Variants in KLF8 observed in about 807,000 individuals in gnomAD.
KLF8 encodes the protein KLF transcription factor 8.
In KLF8, 10 loss-of-function variants were observed where a neutral mutation model predicts 18.2. The ratio of observed to expected loss-of-function variants is 0.55; its 90% confidence interval spans 0.34 to 0.93. The LOEUF (loss-of-function observed/expected upper bound fraction) is 0.93. KLF8 is among the 40% of genes least tolerant of loss of function. The pLI, the probability that KLF8 is intolerant of heterozygous loss-of-function variation, is 0.02. For synonymous variants in KLF8, 109 were observed against 97.3 expected (o/e 1.12, Z -0.71); for missense variants, 264 against 277.9 (o/e 0.95, Z 0.36).
the KLF8 span, among the ~76,000 whole-genome samples, chrX:56,005,658 G>A: frequency 9.8e-5 from 11 of 112,683 alleles, no homozygotes; most frequent in Non-Finnish European, 1.9e-4. Flanking sequence ...CTGGGTTCAC[G>A]GAGTGTGCTC....
chrX:56,213,823 C>T, the KLF8 span, among the ~76,000 whole-genome samples: 1 of 111,535 alleles, frequency 9.0e-6, no homozygotes, highest in Non-Finnish European at 1.9e-5. Context: ...GACCCTCTGC[C>T]TTTTCACAAG....
the KLF8 span, among the ~76,000 whole-genome samples, chrX:55,930,722 C>T: frequency 3.6e-5 from 4 of 111,885 alleles, no homozygotes; most frequent in African/African-American, 1.3e-4. Flanking sequence ...CCTTGCATCC[C>T]AGGGATGAAC....
the KLF8 span, among the ~76,000 whole-genome samples, chrX:56,029,677 T>C: frequency 8.9e-6 from 1 of 112,315 alleles, no homozygotes; most frequent in African/African-American, 3.2e-5. Context: ...CTTTTTGCTC[T>C]GCATCACCTT....
At chrX:56,243,059 A>G (rs1387419838) in intron 1 of KLF8, 12 of 517,899 alleles carry the variant, frequency 2.3e-5, no homozygotes, top group South Asian at 2.0e-4. Context: ...AGTATCATAG[A>G]GCTTCTTCAC....
At chrX:55,986,304 A>G in the KLF8 span, among the ~76,000 whole-genome samples, 2 of 111,995 alleles carry the variant, frequency 1.8e-5, no homozygotes, top group African/African-American at 6.5e-5. Flanking sequence ...AATTTGAGAT[A>G]TGTTCTTTCA....
At chrX:56,230,117 C>A (rs1264345248), upstream of KLF8, among the ~76,000 whole-genome samples, 1 of 112,168 alleles carries the variant, frequency 8.9e-6, no homozygotes, top group Non-Finnish European at 1.9e-5. Context: ...TCTTGAAAAG[C>A]TATTTCAGAC....
the KLF8 span, among the ~76,000 whole-genome samples, chrX:56,144,867 A>T: frequency 9.3e-6 from 1 of 107,220 alleles, no homozygotes. Context: ...ATCTCAGCTC[A>T]CTGCAACCTC....
chrX:55,956,185 T>A, the KLF8 span, among the ~76,000 whole-genome samples: 8 of 107,027 alleles, frequency 7.5e-5, no homozygotes, highest in Admixed American at 2.0e-4. Flanking sequence ...TCTATCTATC[T>A]ATCTATGTAT....
the KLF8 span, among the ~76,000 whole-genome samples, chrX:56,204,114 A>G: frequency 1.8e-5 from 2 of 111,510 alleles, no homozygotes; most frequent in African/African-American, 3.3e-5. Flanking sequence ...AGTGTTTTAC[A>G]GTTTTTATAA....
the KLF8 span, among the ~76,000 whole-genome samples, chrX:56,142,496 T>A: frequency 9.0e-6 from 1 of 111,254 alleles, no homozygotes; most frequent in Non-Finnish European, 1.9e-5. Context: ...TATGCTCGCT[T>A]TTTAGATACT....
At chrX:55,912,149 C>T in the KLF8 span, among the ~76,000 whole-genome samples, 1 of 111,450 alleles carries the variant, frequency 9.0e-6, no homozygotes, top group African/African-American at 3.3e-5. Context: ...TGCAGATTTT[C>T]AGGCCCTACC....
the KLF8 span, among the ~76,000 whole-genome samples, chrX:56,042,847 A>G: frequency 9.0e-6 from 1 of 111,399 alleles, no homozygotes; most frequent in South Asian, 3.8e-4. Context: ...TTCTGTGTAA[A>G]TTTGATCCTG....
chrX:56,093,442 A>G, the KLF8 span, among the ~76,000 whole-genome samples: 2 of 111,090 alleles, frequency 1.8e-5, no homozygotes, highest in African/African-American at 6.5e-5. Context: ...ATAACCTAGA[A>G]TTATGTATGT....
chrX:56,242,829 A>G (rs1048194109), intron 1 of KLF8: 2 of 278,165 alleles, frequency 7.2e-6, no homozygotes, highest in Non-Finnish European at 1.3e-5. Flanking sequence ...CTTTTCTCTC[A>G]TTCCAGGTAA....
At chrX:56,282,299 T>C (rs940044588) in intron 5 of KLF8, among the ~76,000 whole-genome samples, 6 of 111,929 alleles carry the variant, frequency 5.4e-5, no homozygotes, top group African/African-American at 9.7e-5. Flanking sequence ...TCCGTGAGCA[T>C]GTGTGTGTGT....
At chrX:55,989,496 G>T in the KLF8 span, among the ~76,000 whole-genome samples, 1 of 112,244 alleles carries the variant, frequency 8.9e-6, no homozygotes, top group Admixed American at 9.4e-5. Flanking sequence ...TTTATATTCT[G>T]GATAACGTTT....
the KLF8 span, among the ~76,000 whole-genome samples, chrX:56,084,901 T>G: frequency 8.9e-6 from 1 of 112,164 alleles, no homozygotes; most frequent in Non-Finnish European, 1.9e-5. Flanking sequence ...CTGTGTAACT[T>G]TCTATCTCAT....
chrX:55,926,171 T>C, the KLF8 span, among the ~76,000 whole-genome samples: 3 of 111,672 alleles, frequency 2.7e-5, no homozygotes, highest in Non-Finnish European at 1.9e-5. Flanking sequence ...TAGTTAGAGA[T>C]AAGGATAAGC....
chrX:55,941,261 T>A, the KLF8 span, among the ~76,000 whole-genome samples: 4 of 111,925 alleles, frequency 3.6e-5, no homozygotes, highest in African/African-American at 9.7e-5. Flanking sequence ...CAAAAACAAG[T>A]AATGGGGAAA....
Sources: gnomAD v4.1 joint callset for allele counts (sites outside exome capture counted in the v4.1 genomes callset) on GRCh38, gnomAD v4.1.1 for gene constraint, MANE v1.5 for transcripts, NCBI Gene and HGNC (gene_info 2026-07-23, HGNC 2026-07-21) for gene names.